The following ANK1 variants were observed in gnomAD, a reference collection of about 807,000 sequenced individuals.
ANK1 encodes ankyrin 1, also known as ankyrin-1.
In ANK1, 51 loss-of-function variants were observed where a neutral mutation model predicts 210.4. That is an observed-to-expected ratio of 0.24 (90% CI 0.19 to 0.31). The LOEUF (loss-of-function observed/expected upper bound fraction) is 0.31. Ranked by LOEUF, ANK1 falls within the 10% of genes least tolerant of loss-of-function variation. ANK1 has a pLI of 1.00. For missense variants in ANK1, 2,051 were observed against 2,504.4 expected (o/e 0.82, Z 3.86); for synonymous variants, 967 against 1,025.9 (o/e 0.94, Z 1.10).
chr8:41,851,145 G>A (rs895917819), intron 1 of ANK1, among the ~76,000 whole-genome samples: 8 of 152,206 alleles, frequency 5.3e-5, no homozygotes, highest in Non-Finnish European at 1.2e-4. Context: ...CAATACTGGA[G>A]CTGCAGAGTT....
At chr8:41,700,367 G>T (rs1412872755) in intron 22 of ANK1, 9 of 1,514,920 alleles carry the variant, frequency 5.9e-6, no homozygotes, top group Non-Finnish European at 7.3e-6. Flanking sequence ...TGAGCATCAG[G>T]GTTGCTTAGG....
At chr8:41,889,958 T>G (rs1819110926) in intron 1 of ANK1, among the ~76,000 whole-genome samples, 1 of 152,154 alleles carries the variant, frequency 6.6e-6, no homozygotes, top group Non-Finnish European at 1.5e-5. Flanking sequence ...GAAAATGAAA[T>G]GAAGATATGA....
chr8:41,743,324 G>A (rs913159896), intron 2 of ANK1, among the ~76,000 whole-genome samples: 4 of 152,194 alleles, frequency 2.6e-5, no homozygotes, highest in African/African-American at 9.7e-5. Flanking sequence ...GATGGGAAGG[G>A]AAGGAGCGAC....
At chr8:41,822,120 AAGAGAAAGAAAGAGAAAGAAAGAAAG>A (rs1804479118) in intron 1 of ANK1, among the ~76,000 whole-genome samples, 1 of 30,482 alleles carries the variant, frequency 3.3e-5, no homozygotes, top group South Asian at 1.3e-3. Context: ...GAGAGAAAGA[AAGAGAAAGAAAGAGAAAGAAAGAAAG>A]AAAGAAAGAA....
rs1343203680 is a variant in ANK1 at position 41,715,855 on chromosome 8, C to A, written c.1405-6G>T. On this transcript the variant is annotated splice_polypyrimidine_tract_variant and splice_region_variant and intron_variant, in intron 13 of 42. Transcript: ENST00000289734. ...TGAAGTGGGGTCTGGTCATCCTGGA[C>A]CCCGAAGGGAAAACAAAGAAGAAGA... 6.2e-7 allele frequency: 1 copy of A among 1,614,184 alleles called. No homozygotes were observed. The highest frequency in any genetic ancestry group is 1.7e-5 in the Admixed American group (1 of 60,026).
At chr8:41,792,293 A>T (rs1847901760) in intron 1 of ANK1, among the ~76,000 whole-genome samples, 2 of 152,218 alleles carry the variant, frequency 1.3e-5, no homozygotes, top group African/African-American at 4.8e-5. Flanking sequence ...AGAGGGCTGC[A>T]GTCCAGGCTG....
At position 41,693,835 on chromosome 8, in the gene ANK1, C is replaced by T. The variant is rs1217631325; in HGVS notation, c.3532+63G>A. 12 of 1,532,122 alleles carry T rather than the reference C, an allele frequency of 7.8e-6. No homozygotes were observed. The South Asian group carries it at 1.1e-4, about 14-fold the overall frequency. The allele number at this position is 1,532,122 out of a possible 1,614,324, so 94.9% of individuals were successfully genotyped here. On this transcript the variant is annotated intron_variant, in intron 29 of 42. Transcript: ENST00000289734. ...TGGCCTCGCCTTCTCGAGTCACCCC[C>T]CTACTGTGTTCCAGACGCACTGCAG...
intron 1 of ANK1, among the ~76,000 whole-genome samples, chr8:41,783,893 T>C (rs1168190905): frequency 1.3e-5 from 2 of 151,956 alleles, no homozygotes; most frequent in South Asian, 2.1e-4. Context: ...CAAGACTCCA[T>C]CTCTAAAAAT....
chr8:41,693,968 G>A lies in ANK1; in HGVS notation c.3462C>T (p.Ser1154=). ...CGCTGTCCCTCGGGTTGTCGGTCCA[G>A]GAAGGAGGTAGTGGGATCCGAAGCC... is the stretch of plus-strand genomic sequence containing the variant. The part of the protein sequence containing the change: ...PIGLRIPLPP[S]WTDNPRDSGE... Residue 1154 remains serine, a synonymous_variant, in exon 29 of 43, where the codon TCC becomes TCT. Coordinates refer to ENST00000289734, the MANE Select transcript of ANK1 (RefSeq NM_000037.4). 1 of 1,614,110 alleles carries A rather than the reference G, an allele frequency of 6.2e-7. No individual in the cohort carries two copies. The highest frequency in any genetic ancestry group is 2.2e-5 in the East Asian group (1 of 44,876).
At position 41,802,961 on chromosome 8, in the gene ANK1, GA is replaced by G. The variant is rs1280291064; in HGVS notation, c.127-44825del. 1.8e-3 allele frequency among the ~76,000 whole-genome samples: 41 copies of G among 22,952 alleles called. 2 individuals are homozygous for G. Among genetic ancestry groups the G allele is most frequent in the Non-Finnish European group, 5.9e-3 (34 of 5,746 alleles). 15.1% of individuals were successfully genotyped at this position (22,952 alleles called of 152,430 possible). On this transcript the variant is annotated intron_variant, in intron 1 of 42. Coordinates refer to the ANK1 transcript ENST00000265709. ...AGGGAGAGAGAAAGGGGGGGGGGGA[GA>G]GAGAGAGAGATGAAAAAAGAAAGAG...
chr8:41,743,196 A>G (rs1835230546), intron 2 of ANK1, among the ~76,000 whole-genome samples: 1 of 152,136 alleles, frequency 6.6e-6, no homozygotes, highest in Admixed American at 6.5e-5. Flanking sequence ...ACAGAGAGGA[A>G]AAGAAGGACT....
At chr8:41,660,131 C>A (rs886879367) in intron 42 of ANK1, among the ~76,000 whole-genome samples, 8 of 152,136 alleles carry the variant, frequency 5.3e-5, no homozygotes, top group Admixed American at 2.0e-4. Flanking sequence ...CCTAGTGGGA[C>A]CCCTGGCAGT....
intron 2 of ANK1, among the ~76,000 whole-genome samples, chr8:41,751,671 A>C: frequency 6.6e-6 from 1 of 150,462 alleles, no homozygotes; most frequent in East Asian, 2.0e-4. Context: ...TGGCCTCCCC[A>C]CCTCTCCTCT....
intron 1 of ANK1, among the ~76,000 whole-genome samples, chr8:41,891,283 G>T (rs889357161): frequency 1.0e-4 from 15 of 147,320 alleles, no homozygotes; most frequent in African/African-American, 2.7e-4. Context: ...AGATGAGTTT[G>T]TTTTTTTTTT....
intron 1 of ANK1, among the ~76,000 whole-genome samples, chr8:41,804,395 A>C (rs900266487): frequency 6.6e-6 from 1 of 152,196 alleles, no homozygotes; most frequent in Non-Finnish European, 1.5e-5. Context: ...AAATCACTAA[A>C]CCAGCCCACC....
intron 1 of ANK1, among the ~76,000 whole-genome samples, chr8:41,882,242 C>T (rs546847738): frequency 9.2e-5 from 14 of 152,230 alleles, no homozygotes; most frequent in Non-Finnish European, 1.6e-4. Flanking sequence ...CACTGAGCTC[C>T]ATGTAACACC....
chr8:41,780,537 C>G (rs1378570893), intron 1 of ANK1, among the ~76,000 whole-genome samples: 1 of 151,620 alleles, frequency 6.6e-6, no homozygotes, highest in East Asian at 1.9e-4. Context: ...GGGGACGCTT[C>G]TCCCTCAGTA....
At chr8:41,690,412 G>A in intron 32 of ANK1, 62 bp downstream of exon 32, 1 of 1,614,208 alleles carries the variant, frequency 6.2e-7, no homozygotes, top group Non-Finnish European at 8.5e-7. Context: ...GTCTGGTTTA[G>A]GGAATTCTGC....
At chr8:41,755,035 G>T (rs1838766452) in intron 2 of ANK1, among the ~76,000 whole-genome samples, 2 of 152,232 alleles carry the variant, frequency 1.3e-5, no homozygotes, top group African/African-American at 4.8e-5. Flanking sequence ...ATAACTTGTG[G>T]CAGTGTCCTC....
Sources: allele counts gnomAD v4.1 joint callset (sites outside exome capture counted in the v4.1 genomes callset), GRCh38; gene constraint gnomAD v4.1.1; transcripts MANE v1.5; gene names NCBI Gene and HGNC (gene_info 2026-07-23, HGNC 2026-07-21).